Variants in TMEM117 observed in about 807,000 individuals in gnomAD.
TMEM117 encodes the protein transmembrane protein 117.
A neutral mutation model predicts 52.4 loss-of-function variants in TMEM117; 27 were observed. The ratio of observed to expected loss-of-function variants is 0.51; its 90% CI spans 0.38 to 0.71. The LOEUF (loss-of-function observed/expected upper bound fraction) is 0.71, where lower values mean the gene tolerates loss of function less well. Ranked by LOEUF, TMEM117 falls within the 30% of genes least tolerant of loss-of-function variation. TMEM117 has a pLI of 0.00. For synonymous variants in TMEM117, 215 were observed against 206.3 expected (o/e 1.04, Z -0.36); for missense variants, 556 against 630.5 (o/e 0.88, Z 1.26).
chr12:44,146,000 C>G (rs896585603), intron 4 of TMEM117, among the ~76,000 whole-genome samples: 4 of 152,188 alleles, frequency 2.6e-5, no homozygotes, highest in Admixed American at 2.6e-4. Flanking sequence ...ATATACAGCT[C>G]TGCCTCTCTT....
chr12:44,340,899 A>G lies in TMEM117; in HGVS notation c.769-35696A>G, dbSNP rs1951408078. On this transcript the variant is annotated intron_variant, in intron 6 of 7. Transcript: ENST00000266534. The stretch of plus-strand genomic sequence containing the variant: ...GGCTTCTAGGGTACCCATCACCTGA[A>G]TAATGTACATTGCATCTATTAAGTA... Among the ~76,000 whole-genome samples, 3 of 152,082 alleles carry G rather than the reference A, an allele frequency of 2.0e-5. No individual in the cohort carries two copies. The South Asian group carries it at 6.2e-4, about 31-fold the overall frequency.
intron 1 of TMEM117, among the ~76,000 whole-genome samples, chr12:43,840,340 A>G (rs1339032416): frequency 1.3e-5 from 2 of 152,238 alleles, no homozygotes; most frequent in South Asian, 4.1e-4. Context: ...AGATGCTTGT[A>G]AAGCTCATCA....
intron 6 of TMEM117, among the ~76,000 whole-genome samples, chr12:44,365,180 A>G (rs574851175): frequency 1.3e-5 from 2 of 152,166 alleles, no homozygotes; most frequent in South Asian, 4.1e-4. Context: ...CAGCCTGCAT[A>G]TTTTGTAGGC....
chr12:44,115,226 A>G (rs146466695), intron 3 of TMEM117, among the ~76,000 whole-genome samples: 9 of 152,292 alleles, frequency 5.9e-5, no homozygotes, highest in Admixed American at 3.3e-4. Flanking sequence ...GTTGAGGATG[A>G]GTTAAAACCC....
At chr12:43,933,198 A>G (rs1410202200) in intron 2 of TMEM117, among the ~76,000 whole-genome samples, 3 of 151,684 alleles carry the variant, frequency 2.0e-5, no homozygotes, top group Non-Finnish European at 2.9e-5. Context: ...TGGTAGTAAT[A>G]TTAACTTTTT....
chr12:44,266,339 T>G (rs143520504), intron 5 of TMEM117, among the ~76,000 whole-genome samples: 1,621 of 152,288 alleles, frequency 0.011, 11 homozygotes, highest in African/African-American at 0.018. Flanking sequence ...GGATGTGAAC[T>G]GCTATCTCAT....
chr12:44,265,429 G>A (rs544139915), intron 5 of TMEM117, among the ~76,000 whole-genome samples: 10 of 152,252 alleles, frequency 6.6e-5, no homozygotes, highest in African/African-American at 1.9e-4. Context: ...CTGCTCTGTG[G>A]AGCATGTATC....
chr12:43,857,130 C>T (rs1423965264), intron 2 of TMEM117, among the ~76,000 whole-genome samples: 1 of 152,174 alleles, frequency 6.6e-6, no homozygotes, highest in Non-Finnish European at 1.5e-5. Context: ...GTTGCACATC[C>T]ATTAGCGCTA....
At chr12:44,006,164 A>T (rs1049750286) in intron 3 of TMEM117, among the ~76,000 whole-genome samples, 1 of 152,188 alleles carries the variant, frequency 6.6e-6, no homozygotes, top group Non-Finnish European at 1.5e-5. Context: ...GAAAATCAGA[A>T]AAAGAACATT....
At chr12:44,200,173 C>T (rs1051857544) in intron 4 of TMEM117, among the ~76,000 whole-genome samples, 2 of 152,022 alleles carry the variant, frequency 1.3e-5, no homozygotes, top group African/African-American at 2.4e-5. Context: ...CAAAAAAACC[C>T]CTTAGCATTC....
At chr12:43,838,758 A>G (rs1026464041) in intron 1 of TMEM117, among the ~76,000 whole-genome samples, 2 of 151,488 alleles carry the variant, frequency 1.3e-5, no homozygotes, top group African/African-American at 4.9e-5. Flanking sequence ...GGTTATATAG[A>G]GGTAGTCGTG....
At chr12:43,969,880 C>T (rs1366972946) in intron 3 of TMEM117, among the ~76,000 whole-genome samples, 1 of 152,142 alleles carries the variant, frequency 6.6e-6, no homozygotes, top group South Asian at 2.1e-4. Flanking sequence ...TAACACCATT[C>T]ACTCTCCTCC....
intron 7 of TMEM117, among the ~76,000 whole-genome samples, chr12:44,381,960 G>A (rs549512922): frequency 2.0e-5 from 3 of 152,142 alleles, no homozygotes; most frequent in Non-Finnish European, 2.9e-5. Context: ...TGTATACAAA[G>A]AAAGTCCCCG....
intron 4 of TMEM117, among the ~76,000 whole-genome samples, chr12:44,163,968 C>T (rs1009677781): frequency 2.0e-5 from 3 of 151,958 alleles, no homozygotes; most frequent in African/African-American, 7.3e-5. Context: ...TTTTTTCTCC[C>T]TTCCCAGATG....
chr12:43,892,114 G>C (rs1470428161), intron 2 of TMEM117, among the ~76,000 whole-genome samples: 1 of 152,122 alleles, frequency 6.6e-6, no homozygotes. Context: ...GAATTCACAG[G>C]CCTCAGCATA....
At chr12:44,179,763 A>G (rs1010799268) in intron 4 of TMEM117, among the ~76,000 whole-genome samples, 5 of 152,180 alleles carry the variant, frequency 3.3e-5, no homozygotes, top group Admixed American at 2.6e-4. Context: ...TTGACACCTA[A>G]TGTTAACCAT....
intron 3 of TMEM117, among the ~76,000 whole-genome samples, chr12:44,028,653 A>G (rs967937448): frequency 2.0e-5 from 3 of 152,204 alleles, no homozygotes; most frequent in African/African-American, 7.2e-5. Context: ...GTCTAAAAAG[A>G]GGAAGCATGA....
At chr12:44,025,678 C>A (rs1821785237) in intron 3 of TMEM117, among the ~76,000 whole-genome samples, 1 of 152,098 alleles carries the variant, frequency 6.6e-6, no homozygotes, top group Non-Finnish European at 1.5e-5. Context: ...GTTGGAACAT[C>A]TCATTTTTTA....
chr12:43,831,763 TGAAC>T (rs2137327618), upstream of TMEM117, among the ~76,000 whole-genome samples: 1 of 152,214 alleles, frequency 6.6e-6, no homozygotes, highest in African/African-American at 2.4e-5. Context: ...AGGCTGGTCT[TGAAC>T]TCCTGACCTT....
Sources: allele counts gnomAD v4.1 joint callset (sites outside exome capture counted in the v4.1 genomes callset), GRCh38; gene constraint gnomAD v4.1.1; transcripts MANE v1.5; gene names NCBI Gene and HGNC (gene_info 2026-07-23, HGNC 2026-07-21).